Variants in PAN3 observed in about 807,000 individuals in gnomAD.
The protein encoded by PAN3 is poly(A) specific ribonuclease subunit PAN3.
Under a neutral mutation model 96.2 loss-of-function variants are expected in PAN3, and 19 were observed. That is an observed-to-expected ratio of 0.20 (90% CI 0.14 to 0.29). The LOEUF (loss-of-function observed/expected upper bound fraction) is 0.29. PAN3 is among the 10% of genes least tolerant of loss of function. The pLI is 1.00. For synonymous variants in PAN3, 433 were observed against 406.6 expected, an observed-to-expected ratio of 1.06 and a Z score of -0.78; for missense variants, 882 against 1,108.1, an observed-to-expected ratio of 0.80 and a Z score of 2.90.
At chr13:28,214,820 G>C in intron 5 of PAN3, 1 of 637,582 alleles carries the variant, frequency 1.6e-6, no homozygotes, top group Non-Finnish European at 2.9e-6. Flanking sequence ...TCAAAAACAT[G>C]ATTACTGGGA....
At chr13:28,168,599 A>T (rs1873881876) in intron 1 of PAN3, among the ~76,000 whole-genome samples, 1 of 152,108 alleles carries the variant, frequency 6.6e-6, no homozygotes, top group African/African-American at 2.4e-5. Context: ...CATGCCTGTA[A>T]TCCCAGTTAC....
chr13:28,165,352 C>G (rs1873404135), intron 1 of PAN3, among the ~76,000 whole-genome samples: 1 of 139,166 alleles, frequency 7.2e-6, no homozygotes, highest in Non-Finnish European at 1.5e-5. Flanking sequence ...GATTCCTGGG[C>G]TCAAGTGATA....
At chr13:28,226,072 A>G (rs761502156) in intron 6 of PAN3, among the ~76,000 whole-genome samples, 9 of 152,186 alleles carry the variant, frequency 5.9e-5, no homozygotes, top group Non-Finnish European at 1.0e-4. Flanking sequence ...TTTTGGGGAA[A>G]CAGGATGAAT....
At position 28,176,406 on chromosome 13, in the gene PAN3, G is replaced by A. The variant is rs112861379; in HGVS notation, c.553-87G>A. 428 of 1,183,012 alleles carry A rather than the reference G, an allele frequency of 3.6e-4. 3 individuals are homozygous for A. The African/African-American group carries it at 4.9e-3, about 14-fold the overall frequency. 73.3% of individuals were successfully genotyped at this position (1,183,012 alleles called of 1,614,324 possible). ...ATGTGAACAGTAGATTGGAGGGGAA[G>A]AAGCAAAGAGAGCCAGTCTTAATTG... On this transcript the variant is annotated intron_variant, in intron 2 of 18. Coordinates refer to ENST00000380958, the MANE Select transcript of PAN3 (RefSeq NM_175854.8).
At chr13:28,138,378 G>A (rs539402062), upstream of PAN3, 87 of 193,578 alleles carry the variant, frequency 4.5e-4, no homozygotes, top group African/African-American at 1.9e-3. Context: ...CTGGGCCCGC[G>A]CGCTCACCCC....
chr13:28,196,791 G>T (rs372037962), intron 4 of PAN3, among the ~76,000 whole-genome samples: 10 of 152,258 alleles, frequency 6.6e-5, no homozygotes, highest in African/African-American at 2.4e-4. Flanking sequence ...AGAAAAATCT[G>T]TATTCTGTGT....
intron 4 of PAN3, among the ~76,000 whole-genome samples, chr13:28,183,869 C>T (rs536621798): frequency 2.0e-5 from 3 of 152,176 alleles, no homozygotes; most frequent in Non-Finnish European, 4.4e-5. Context: ...TTGCCTGGCA[C>T]AGAAGTGTTG....
At chr13:28,260,386 T>G (rs781037063) in intron 7 of PAN3, 61 bp from the exon 8 acceptor site, 100 of 1,304,874 alleles carry the variant, frequency 7.7e-5, no homozygotes, top group Middle Eastern at 5.6e-4. Context: ...AGAGCAAGAC[T>G]CCATCTGAAA....
intron 6 of PAN3, among the ~76,000 whole-genome samples, chr13:28,227,964 C>T (rs752619506): frequency 4.6e-5 from 7 of 152,096 alleles, no homozygotes; most frequent in Non-Finnish European, 1.0e-4. Context: ...AAATGAATGC[C>T]CGAGAATGTT....
chr13:28,236,519 G>GA (rs146997638), intron 6 of PAN3, among the ~76,000 whole-genome samples: 1,829 of 152,236 alleles, frequency 0.012, 27 homozygotes, highest in African/African-American at 0.042. Context: ...GGATGTAAAG[G>GA]AAAAAACTTT....
chr13:28,197,453 A>G, intron 5 of PAN3, 107 bp downstream of exon 5: 3 of 1,100,608 alleles, frequency 2.7e-6, no homozygotes, highest in South Asian at 4.4e-5. Flanking sequence ...TAGCTGGTAT[A>G]CTTAGGTAAT....
intron 6 of PAN3, among the ~76,000 whole-genome samples, chr13:28,223,376 G>GT (rs1881606232): frequency 6.6e-6 from 1 of 152,074 alleles, no homozygotes; most frequent in Admixed American, 6.5e-5. Context: ...ACATTTCTAA[G>GT]TATCTTTTGT....
rs1870069074 is a variant in PAN3 at position 28,293,989 on chromosome 13, CAT to C, written c.*1470_*1471del. On this transcript the variant is annotated 3_prime_UTR_variant, in exon 19 of 19. Coordinates refer to ENST00000380958, the MANE Select transcript of PAN3 (RefSeq NM_175854.8). ...ACTGTCTTCAATTTTAATAATTACA[CAT>C]ATTTGTATATTTCAGAGAAGTTTTT... 4 of 152,746 alleles carry C rather than the reference CAT, an allele frequency of 2.6e-5. No homozygotes were observed. Among genetic ancestry groups the C allele is most frequent in the African/African-American group, 9.6e-5 (4 of 41,558 alleles). The allele number at this position is 152,746 out of a possible 1,614,324, so 9.5% of individuals were successfully genotyped here.
In PAN3 at chr13:28,294,931, T is replaced by C. The variant is rs1188568832; in HGVS notation, c.*2409T>C. On this transcript the variant is annotated 3_prime_UTR_variant, in exon 19 of 19. Coordinates refer to ENST00000380958, the MANE Select transcript of PAN3 (RefSeq NM_175854.8). ...TTTGGGGGAGCCCTGTTTTCCATAG[T>C]GTAATTCCATTTAAGAGGTTGTCTA... 1 of 152,210 alleles carries C rather than the reference T, an allele frequency of 6.6e-6. No homozygotes were observed. Among genetic ancestry groups the C allele is most frequent in the African/African-American group, 2.4e-5 (1 of 41,446 alleles). 9.4% of individuals were successfully genotyped at this position (152,210 alleles called of 1,614,324 possible). A position where few individuals can be genotyped will look rare whatever the true frequency, so the allele number is the denominator to read the frequency against.
intron 5 of PAN3, among the ~76,000 whole-genome samples, chr13:28,217,293 G>C (rs1209873485): frequency 6.6e-6 from 1 of 150,452 alleles, no homozygotes; most frequent in Non-Finnish European, 1.5e-5. Context: ...ATGAAAATTG[G>C]GGGGCAGGCT....
intron 1 of PAN3, among the ~76,000 whole-genome samples, chr13:28,173,535 C>T (rs1874574117): frequency 6.6e-6 from 1 of 151,924 alleles, no homozygotes; most frequent in South Asian, 2.1e-4. Flanking sequence ...CCAAAGAGAC[C>T]CAACATCCCT....
chr13:28,284,633 C>T (rs1868754562), intron 17 of PAN3, among the ~76,000 whole-genome samples: 1 of 151,992 alleles, frequency 6.6e-6, no homozygotes, highest in African/African-American at 2.4e-5. Context: ...TCCCCTTGTC[C>T]CCAAGACTAC....
At chr13:28,271,532 G>C (rs927586262) in intron 13 of PAN3, among the ~76,000 whole-genome samples, 4 of 152,196 alleles carry the variant, frequency 2.6e-5, no homozygotes, top group African/African-American at 9.7e-5. Context: ...TATTAGACAA[G>C]TGTACTACTA....
chr13:28,268,319 AT>A (rs1448427958), intron 12 of PAN3, among the ~76,000 whole-genome samples: 2 of 152,080 alleles, frequency 1.3e-5, no homozygotes, highest in Non-Finnish European at 2.9e-5. Flanking sequence ...AATGATTCCT[AT>A]TATGACTATA....
Sources: allele counts gnomAD v4.1 joint callset (sites outside exome capture counted in the v4.1 genomes callset), GRCh38; gene constraint gnomAD v4.1.1; transcripts MANE v1.5; gene names NCBI Gene and HGNC (gene_info 2026-07-23, HGNC 2026-07-21).